Variants in CCSER2 observed in about 807,000 individuals in gnomAD.
CCSER2 encodes the protein serine-rich coiled-coil domain-containing protein 2.
CCSER2 carries 46 observed loss-of-function variants against 92.3 expected under a neutral mutation model. The observed-to-expected ratio is 0.50, with a 90% CI of 0.39 to 0.64. CCSER2 has a LOEUF of 0.64. Ranked by LOEUF, CCSER2 falls within the 30% of genes least tolerant of loss-of-function variation. CCSER2 has a pLI of 0.00. For synonymous variants in CCSER2, 433 were observed against 431.4 expected (o/e 1.00, Z -0.04); for missense variants, 1,244 against 1,238.9 (o/e 1.00, Z -0.06).
chr10:84,402,223 G>T (rs1039286889), intron 3 of CCSER2, among the ~76,000 whole-genome samples: 2 of 152,102 alleles, frequency 1.3e-5, no homozygotes, highest in African/African-American at 4.8e-5. Context: ...GCCCTGAAGC[G>T]ATCCATGCAA....
At chr10:84,485,336 T>TTC (rs555016083) in intron 9 of CCSER2, among the ~76,000 whole-genome samples, 143 of 152,318 alleles carry the variant, frequency 9.4e-4, no homozygotes, top group African/African-American at 3.3e-3. Flanking sequence ...CCACAGCATT[T>TTC]TCCCATGTGT....
intron 3 of CCSER2, among the ~76,000 whole-genome samples, chr10:84,412,056 A>T (rs940287235): frequency 3.9e-5 from 6 of 152,162 alleles, no homozygotes; most frequent in African/African-American, 1.4e-4. Context: ...TTCTGCATTT[A>T]TTGAGATAGT....
intron 1 of CCSER2, among the ~76,000 whole-genome samples, chr10:84,345,672 A>G (rs1380908547): frequency 6.6e-6 from 1 of 152,194 alleles, no homozygotes; most frequent in Non-Finnish European, 1.5e-5. Flanking sequence ...CTAGATTATG[A>G]CATGTTTTCT....
At position 84,514,291 on chromosome 10, in the gene CCSER2, T is replaced by G; in HGVS notation, c.*24T>G. 3 of 1,477,842 alleles carry G rather than the reference T, an allele frequency of 2.0e-6. No individual in the cohort carries two copies. Among genetic ancestry groups the G allele is most frequent in the Non-Finnish European group, 2.7e-6 (3 of 1,101,226 alleles). The allele number at this position is 1,477,842 out of a possible 1,614,324, so 91.5% of individuals were successfully genotyped here. A position where few individuals can be genotyped will look rare whatever the true frequency, so the allele number is the denominator to read the frequency against. ...AAGTACATAGCCATCACCTGCCAAT[T>G]TGTTTCTTAAAAACAATCTCTTCTG... is the stretch of plus-strand genomic sequence containing the variant. On this transcript the variant is annotated 3_prime_UTR_variant, in exon 10 of 10. Coordinates refer to ENST00000372088, the MANE Select transcript of CCSER2 (RefSeq NM_001284240.2).
At chr10:84,477,494 G>T in intron 8 of CCSER2, 81 bp from the exon 9 acceptor site, 3 of 667,042 alleles carry the variant, frequency 4.5e-6, no homozygotes, top group Non-Finnish European at 7.7e-6. Flanking sequence ...TGTTTTATGT[G>T]TTTTCCTAAA....
rs145634898 is a variant in CCSER2 at position 84,371,986 on chromosome 10, A to G, written c.934A>G (p.Thr312Ala). Reference protein sequence around the residue: ...ALPNGPGVTSTLGYRMVHPSL... With the variant: ...ALPNGPGVTSALGYRMVHPSL... ...ACCAAATGGCCCAGGTGTAACTTCT[A>G]CTTTAGGTTATAGAATGGTTCATCC... The change falls in exon 2 of 10, where the codon ACT (threonine) becomes GCT (alanine). Residue 312 changes from threonine (T) to alanine (A), a missense_variant. Physicochemically the swap from Thr to Ala is moderately conservative, Grantham distance 58. Transcript: ENST00000372088. 179 of 1,613,630 alleles carry G rather than the reference A, an allele frequency of 1.1e-4. No individual in the cohort carries two copies. The highest frequency in any genetic ancestry group is 1.5e-4 in the Non-Finnish European group (173 of 1,179,786).
At position 84,339,039 on chromosome 10, in the gene CCSER2, G is replaced by C. The variant is rs1844016271; in HGVS notation, c.-40+10231G>C. Among the ~76,000 whole-genome samples, 3 of 151,838 alleles carry C rather than the reference G, an allele frequency of 2.0e-5. No homozygotes were observed. The South Asian group carries it at 6.2e-4, about 32-fold the overall frequency. On this transcript the variant is annotated intron_variant, in intron 1 of 9. Transcript: ENST00000372088. The stretch of plus-strand genomic sequence containing the variant: ...GATTTCCGAAACACAGATCTGACCA[G>C]GTTCTGTTTTTGCTAAAAAAAAATC...
chr10:84,373,564 A>G (rs1303393771), intron 2 of CCSER2, 55 bp from the exon 3 acceptor site: 4 of 1,344,512 alleles, frequency 3.0e-6, no homozygotes, highest in Middle Eastern at 2.0e-4. Context: ...TTATATTTTT[A>G]GGACACGAGA....
rs1300899118 is a variant in CCSER2, at chr10:84,441,734, ATGTTTTTTTTTTTTTTTTTTT to A, written c.2064+3029_2064+3049del. 7.5e-5 allele frequency among the ~76,000 whole-genome samples: 8 copies of A among 106,410 alleles called. No individual in the cohort carries two copies. In the South Asian group the frequency reaches 2.0e-3, roughly 27 times the overall value. The allele number at this position is 106,410 out of a possible 152,430, so 69.8% of individuals were successfully genotyped here. ...GGGAATAAAGTAGAAGACTGGGAAAATGTTTTTTTTTTTTTTTTTTTTTTTTTTTTTTTTTTTTTTTTGAGA... is the reference window on the plus strand; with the variant it reads ...GGGAATAAAGTAGAAGACTGGGAAAATTTTTTTTTTTTTTTTTTTTTGAGA... On this transcript the variant is annotated intron_variant, in intron 6 of 9. Coordinates refer to ENST00000372088, the MANE Select transcript of CCSER2 (RefSeq NM_001284240.2).
chr10:84,331,553 C>G (rs1158849683), intron 1 of CCSER2, among the ~76,000 whole-genome samples: 1 of 152,148 alleles, frequency 6.6e-6, no homozygotes, highest in Non-Finnish European at 1.5e-5. Flanking sequence ...TTGCAGCTGG[C>G]TAATAGCATG....
intron 3 of CCSER2, among the ~76,000 whole-genome samples, chr10:84,415,571 G>C (rs1462412942): frequency 6.6e-6 from 1 of 152,224 alleles, no homozygotes; most frequent in African/African-American, 2.4e-5. Context: ...TTGGCAGCCT[G>C]AAGGAGGCAC....
At chr10:84,455,676 T>C (rs906956301) in intron 6 of CCSER2, 6 of 721,500 alleles carry the variant, frequency 8.3e-6, no homozygotes, top group Non-Finnish European at 1.0e-5. Flanking sequence ...TTCACAGTCA[T>C]GGAGTAACTC....
chr10:84,427,773 ACATTCTT>A (rs983284678), intron 5 of CCSER2, among the ~76,000 whole-genome samples: 5 of 152,130 alleles, frequency 3.3e-5, no homozygotes, highest in African/African-American at 9.7e-5. Flanking sequence ...TAGCAAACTC[ACATTCTT>A]CATCTCTTCA....
At chr10:84,407,055 C>T (rs141671211) in intron 3 of CCSER2, among the ~76,000 whole-genome samples, 10 of 152,284 alleles carry the variant, frequency 6.6e-5, no homozygotes, top group Non-Finnish European at 1.0e-4. Flanking sequence ...TCTTACTCTA[C>T]GGTGTTTTGT....
At chr10:84,465,071 A>G (rs1204283267) in intron 7 of CCSER2, among the ~76,000 whole-genome samples, 2 of 151,590 alleles carry the variant, frequency 1.3e-5, no homozygotes, top group Non-Finnish European at 2.9e-5. Flanking sequence ...CTTTCATCCT[A>G]CTCTCAGTAT....
chr10:84,443,733 G>A (rs1220848618), intron 6 of CCSER2, among the ~76,000 whole-genome samples: 3 of 152,146 alleles, frequency 2.0e-5, no homozygotes, highest in Non-Finnish European at 4.4e-5. Flanking sequence ...CAAAGACTTG[G>A]AACCAGCCCA....
intron 1 of CCSER2, among the ~76,000 whole-genome samples, chr10:84,347,461 A>AC (rs1216274444): frequency 4.2e-5 from 5 of 118,908 alleles, no homozygotes; most frequent in East Asian, 2.6e-4. Flanking sequence ...GCGGGGGCTG[A>AC]CCCCCCACCT....
chr10:84,358,009 G>A (rs1170097594), intron 1 of CCSER2, among the ~76,000 whole-genome samples: 1 of 152,162 alleles, frequency 6.6e-6, no homozygotes, highest in Non-Finnish European at 1.5e-5. Context: ...TTTCCCATTA[G>A]GTGGAATTTA....
intron 1 of CCSER2, among the ~76,000 whole-genome samples, chr10:84,361,161 AGGT>A (rs1388672770): frequency 6.6e-6 from 1 of 152,190 alleles, no homozygotes; most frequent in East Asian, 1.9e-4. Context: ...CTTGAATGCT[AGGT>A]TGAGGCCCAT....
Sources: gnomAD v4.1 joint callset for allele counts (sites outside exome capture counted in the v4.1 genomes callset) on GRCh38, gnomAD v4.1.1 for gene constraint, MANE v1.5 for transcripts, NCBI Gene and HGNC (gene_info 2026-07-23, HGNC 2026-07-21) for gene names.